The following KLHL13 variants were observed in gnomAD, a reference collection of about 807,000 sequenced individuals.
The protein encoded by KLHL13 is kelch like family member 13, also known as kelch-like protein 13.
KLHL13 carries 10 observed loss-of-function variants against 37.1 expected under a neutral mutation model. The observed-to-expected ratio is 0.27, with a 90% CI of 0.17 to 0.46. The LOEUF is 0.46. KLHL13 is among the 20% of genes least tolerant of loss of function. The pLI is 1.00. For synonymous variants in KLHL13, 163 were observed against 181.2 expected (o/e 0.90, Z 0.81); for missense variants, 360 against 509.3 (o/e 0.71, Z 2.82).
intron 1 of KLHL13, among the ~76,000 whole-genome samples, chrX:118,017,636 ACAGT>A (rs2054142034): frequency 9.0e-6 from 1 of 111,515 alleles, no homozygotes; most frequent in Admixed American, 9.5e-5. Flanking sequence ...TGTGTTATAC[ACAGT>A]CAGTAGCACC....
chrX:117,951,671 C>T (rs1387022722), intron 1 of KLHL13, among the ~76,000 whole-genome samples: 1 of 111,575 alleles, frequency 9.0e-6, no homozygotes, highest in East Asian at 2.8e-4. Flanking sequence ...ATTGCACAGG[C>T]TTCTTATATG....
chrX:117,919,391 A>T, intron 4 of KLHL13, 130 bp downstream of exon 5: 1 of 542,499 alleles, frequency 1.8e-6, no homozygotes, highest in Non-Finnish European at 3.2e-6. Context: ...CACCTTGCTT[A>T]CAGACCACAT....
chrX:117,994,449 G>T (rs766045008), intron 1 of KLHL13, among the ~76,000 whole-genome samples: 2 of 109,903 alleles, frequency 1.8e-5, no homozygotes, highest in South Asian at 7.9e-4. Context: ...ATGGGGTCTC[G>T]CTATGTTGCC....
Position 118,116,448 on chromosome X carries a change from C to G in KLHL13, c.-56+60G>C, listed in dbSNP as rs1190790621. On this transcript the variant is annotated intron_variant, in intron 1 of 6. Coordinates refer to the KLHL13 transcript ENST00000371882. ...CTCCTCGCCGCGCACCGCGCAGCGC[C>G]GGGTCCGAAGGCAGGGAAGCGGCTG... 3 of 113,210 alleles carry G rather than the reference C, an allele frequency of 2.6e-5. No individual in the cohort carries two copies. In the South Asian group the frequency reaches 1.1e-3, roughly 40 times the overall value. 9.3% of individuals were successfully genotyped at this position (113,210 alleles called of 1,213,427 possible).
At chrX:118,041,775 T>G (rs1330486107) in intron 1 of KLHL13, among the ~76,000 whole-genome samples, 3 of 111,433 alleles carry the variant, frequency 2.7e-5, no homozygotes, top group Non-Finnish European at 5.7e-5. Flanking sequence ...AGAAAATTAT[T>G]TTCACTAAAG....
chrX:118,090,448 C>A (rs1407397481), intron 1 of KLHL13, among the ~76,000 whole-genome samples: 1 of 111,425 alleles, frequency 9.0e-6, no homozygotes, highest in Non-Finnish European at 1.9e-5. Flanking sequence ...ACAAACAACC[C>A]CATCAAAAAG....
intron 1 of KLHL13, among the ~76,000 whole-genome samples, chrX:118,063,804 T>C (rs762317707): frequency 1.8e-5 from 2 of 111,885 alleles, no homozygotes; most frequent in East Asian, 5.6e-4. Context: ...AGATTTACTT[T>C]ATATCAAATT....
intron 1 of KLHL13, among the ~76,000 whole-genome samples, chrX:118,099,679 A>T (rs749477669): frequency 1.8e-5 from 2 of 110,638 alleles, no homozygotes; most frequent in Admixed American, 9.7e-5. Flanking sequence ...TTAGCTGGGC[A>T]TGGTGGCACA....
chrX:118,098,895 A>G (rs2055247087), intron 1 of KLHL13, among the ~76,000 whole-genome samples: 1 of 87,544 alleles, frequency 1.1e-5, no homozygotes, highest in Non-Finnish European at 2.2e-5. Flanking sequence ...TGGACACAGG[A>G]AGGGGAACAT....
chrX:117,999,102 A>G (rs1278624787), intron 1 of KLHL13, among the ~76,000 whole-genome samples: 1 of 110,796 alleles, frequency 9.0e-6, no homozygotes, highest in Non-Finnish European at 1.9e-5. Flanking sequence ...CAACCATTCA[A>G]AAGGTTCAAA....
At chrX:118,019,659 T>G (rs2054176077) in intron 1 of KLHL13, among the ~76,000 whole-genome samples, 1 of 111,402 alleles carries the variant, frequency 9.0e-6, no homozygotes, top group South Asian at 3.8e-4. Context: ...CATCTTGAAT[T>G]GATTTTTGTA....
intron 1 of KLHL13, among the ~76,000 whole-genome samples, chrX:118,034,057 T>C (rs1452547558): frequency 9.8e-6 from 1 of 102,483 alleles, no homozygotes; most frequent in Non-Finnish European, 2.0e-5. Flanking sequence ...TAAATATATA[T>C]GCACCCAATA....
chrX:117,935,101 A>T (rs919298520), intron 2 of KLHL13, among the ~76,000 whole-genome samples: 3 of 112,666 alleles, frequency 2.7e-5, no homozygotes, highest in African/African-American at 9.7e-5. Flanking sequence ...TTACCATAGG[A>T]TCCAGTAATT....
At chrX:118,059,783 C>T (rs2054721939) in intron 1 of KLHL13, among the ~76,000 whole-genome samples, 1 of 110,980 alleles carries the variant, frequency 9.0e-6, no homozygotes, top group Non-Finnish European at 1.9e-5. Flanking sequence ...CTACAATATA[C>T]CAGATGATGA....
chrX:117,932,246 C>T (rs192638875), intron 2 of KLHL13, among the ~76,000 whole-genome samples: 158 of 110,606 alleles, frequency 1.4e-3, no homozygotes, highest in African/African-American at 5.1e-3. Context: ...TTGTTATTTA[C>T]TATAGTCACC....
At chrX:118,039,096 G>A (rs1366434156) in intron 1 of KLHL13, among the ~76,000 whole-genome samples, 2 of 112,261 alleles carry the variant, frequency 1.8e-5, no homozygotes, top group African/African-American at 6.5e-5. Context: ...GTCCTAAGCA[G>A]GATTAATCAT....
intron 1 of KLHL13, among the ~76,000 whole-genome samples, chrX:118,010,637 G>A (rs1456016121): frequency 1.1e-5 from 1 of 87,377 alleles, no homozygotes; most frequent in East Asian, 3.9e-4. Flanking sequence ...TATACCTAAT[G>A]CTAGATGACG....
At position 117,924,995 on chromosome X, in the gene KLHL13, T is replaced by C. The variant is rs58190222; in HGVS notation, c.241-4625A>G. Among the ~76,000 whole-genome samples the C allele has an allele frequency of 1.9e-3, 214 of 111,009 alleles. 1 individual carries two copies. The highest frequency in any genetic ancestry group is 6.7e-3 in the African/African-American group (205 of 30,715). ...CAATGTATCAAAACTTCAACCTCTATTAAATAGAGAGAGGTACATATCTAA... is the reference window on the plus strand; with the variant it reads ...CAATGTATCAAAACTTCAACCTCTACTAAATAGAGAGAGGTACATATCTAA... On this transcript the variant is annotated intron_variant, in intron 2 of 6. Coordinates refer to ENST00000262820, the Ensembl canonical transcript of KLHL13.
At chrX:118,066,901 G>A (rs2054800016) in intron 1 of KLHL13, among the ~76,000 whole-genome samples, 6 of 111,745 alleles carry the variant, frequency 5.4e-5, no homozygotes, top group Non-Finnish European at 1.1e-4. Flanking sequence ...TAGTCATTAA[G>A]GTACGTGCCC....
Sources: gnomAD v4.1 joint callset for allele counts (sites outside exome capture counted in the v4.1 genomes callset) on GRCh38, gnomAD v4.1.1 for gene constraint, MANE v1.5 for transcripts, NCBI Gene and HGNC (gene_info 2026-07-23, HGNC 2026-07-21) for gene names.